Variants in PGM1 observed in about 807,000 individuals in gnomAD.
PGM1 encodes phosphoglucomutase-1.
In PGM1, 52 loss-of-function variants were observed where a neutral mutation model predicts 55.6. The ratio of observed to expected loss-of-function variants is 0.94; its 90% CI spans 0.75 to 1.18. PGM1 has a LOEUF of 1.18. Ranked by LOEUF, PGM1 falls within the 50% of genes most tolerant of loss-of-function variation. The pLI is 0.00. For missense variants in PGM1, 724 were observed against 729.3 expected (o/e 0.99, Z 0.08); for synonymous variants, 287 against 271.7 (o/e 1.06, Z -0.55).
In PGM1 at chr1:63,638,779, G is replaced by T. The variant is rs1479530334; in HGVS notation, c.1123G>T (p.Gly375Trp). The T allele has an allele frequency of 6.2e-7, 1 of 1,613,604 alleles. No individual in the cohort carries two copies. The highest frequency in any genetic ancestry group is 8.5e-7 in the Non-Finnish European group (1 of 1,179,546). Reference sequence around the variant, plus strand: ...GGACGCGAGCAAACTGTCCCTTTGTGGGGAGGAGAGCTTCGGGACCGGTAA... The same window carrying T: ...GGACGCGAGCAAACTGTCCCTTTGTTGGGAGGAGAGCTTCGGGACCGGTAA... ...LMDASKLSLC[G>W]EESFGTGSDH... is the part of the protein sequence containing the mutation. The change falls in exon 7 of 11, where the codon GGG becomes TGG. Residue 375 changes from glycine (G) to tryptophan (W), a missense_variant. Physicochemically the swap from Gly to Trp is radical, Grantham distance 184 (BLOSUM62 -2). This residue lies in a region of PGM1 where 316 missense variants were observed against 313.1 expected (regional missense o/e 1.01). Transcript: ENST00000371084.
chr1:63,593,462 T>C lies in PGM1; in HGVS notation c.-27T>C, dbSNP rs374891070. On this transcript the variant is annotated 5_prime_UTR_variant, in exon 1 of 11. Transcript: ENST00000371084. The stretch of plus-strand genomic sequence containing the variant: ...CCCCTCCGCCAGCCAAGTCCGCCGC[T>C]CTGACCCCCGGCAGCAAGTCGCCAC... 1.2e-5 allele frequency: 19 copies of C among 1,612,908 alleles called. No homozygotes were observed. The highest frequency in any genetic ancestry group is 8.8e-5 in the South Asian group (8 of 91,032).
chr1:63,599,419 C>G (rs1481027140), intron 1 of PGM1, among the ~76,000 whole-genome samples: 1 of 152,058 alleles, frequency 6.6e-6, no homozygotes. Context: ...CCGCCTCGGC[C>G]TCACAAAGTG....
intron 1 of PGM1, among the ~76,000 whole-genome samples, chr1:63,615,550 CTTTTTTT>C (rs1161161385): frequency 1.3e-3 from 79 of 62,976 alleles, no homozygotes; most frequent in African/African-American, 4.3e-3. Context: ...TCTTCTTCTT[CTTTTTTT>C]TTTTTTTTTT....
intron 10 of PGM1, among the ~76,000 whole-genome samples, chr1:63,656,571 G>GGTGTGTGTGTGTGTGTGTGTGT (rs10629750): frequency 2.8e-5 from 4 of 144,240 alleles, no homozygotes; most frequent in African/African-American, 1.1e-4. Flanking sequence ...AAGACATTGT[G>GGTGTGTGTGTGTGTGTGTGTGT]GTGTGTGTGT....
chr1:63,657,465 ACT>A (rs1649997352), intron 10 of PGM1, among the ~76,000 whole-genome samples: 1 of 152,086 alleles, frequency 6.6e-6, no homozygotes, highest in African/African-American at 2.4e-5. Context: ...AATAAGCAGC[ACT>A]CTTAGTTTTT....
At chr1:63,622,585 T>C (rs1226522858) in intron 1 of PGM1, among the ~76,000 whole-genome samples, 1 of 152,180 alleles carries the variant, frequency 6.6e-6, no homozygotes, top group Non-Finnish European at 1.5e-5. Context: ...CAGAAAAACA[T>C]ATGTATATTT....
intron 10 of PGM1, among the ~76,000 whole-genome samples, chr1:63,654,827 G>T (rs1364142527): frequency 6.6e-6 from 1 of 152,120 alleles, no homozygotes; most frequent in Non-Finnish European, 1.5e-5. Context: ...TGTGTTGTAA[G>T]CCCATTATGA....
chr1:63,627,222 C>T (rs1649049613), intron 1 of PGM1, among the ~76,000 whole-genome samples: 1 of 152,080 alleles, frequency 6.6e-6, no homozygotes, highest in Admixed American at 6.6e-5. Context: ...AAGTGTCTGT[C>T]TGCGTCCTGC....
intron 7 of PGM1, among the ~76,000 whole-genome samples, chr1:63,641,257 A>G (rs1344852259): frequency 2.0e-5 from 3 of 152,238 alleles, no homozygotes; most frequent in Admixed American, 6.5e-5. Flanking sequence ...GCTCTTCATT[A>G]TCATGAGGAT....
At chr1:63,658,713 T>C (rs1165699729) in intron 10 of PGM1, among the ~76,000 whole-genome samples, 1 of 150,458 alleles carries the variant, frequency 6.6e-6, no homozygotes, top group Non-Finnish European at 1.5e-5. Flanking sequence ...GATCGCAGCA[T>C]TGCACTCCAG....
At chr1:63,597,436 C>T (rs115666228) in intron 1 of PGM1, among the ~76,000 whole-genome samples, 2,183 of 152,210 alleles carry the variant, frequency 0.014, 49 homozygotes, top group African/African-American at 0.05. Context: ...GGAAACTGTT[C>T]GAATGATAGG....
intron 1 of PGM1, among the ~76,000 whole-genome samples, chr1:63,611,961 G>A (rs985450009): frequency 6.6e-6 from 1 of 151,982 alleles, no homozygotes; most frequent in African/African-American, 2.4e-5. Context: ...ACATATTAAG[G>A]CTATCAGGAG....
intron 1 of PGM1, among the ~76,000 whole-genome samples, chr1:63,594,297 C>T (rs1467025825): frequency 6.6e-6 from 1 of 152,100 alleles, no homozygotes; most frequent in East Asian, 1.9e-4. Flanking sequence ...GTCAGGTTGG[C>T]AGATCTCAGC....
At chr1:63,615,550 C>CTT (rs1161161385) in intron 1 of PGM1, among the ~76,000 whole-genome samples, 3,108 of 62,864 alleles carry the variant, frequency 0.049, 545 homozygotes, top group South Asian at 0.07. Context: ...TCTTCTTCTT[C>CTT]TTTTTTTTTT....
chr1:63,600,744 G>T (rs1160397376), intron 1 of PGM1, among the ~76,000 whole-genome samples: 1 of 152,178 alleles, frequency 6.6e-6, no homozygotes, highest in African/African-American at 2.4e-5. Context: ...GGAAGAGTTA[G>T]ATGGAAAGGA....
chr1:63,648,008 A>G (rs1460023038), intron 7 of PGM1, among the ~76,000 whole-genome samples: 5 of 152,196 alleles, frequency 3.3e-5, no homozygotes, highest in African/African-American at 4.8e-5. Flanking sequence ...CCTACTTAAT[A>G]TGTGATTCCT....
intron 7 of PGM1, among the ~76,000 whole-genome samples, chr1:63,642,302 C>T (rs1649539081): frequency 6.6e-6 from 1 of 152,172 alleles, no homozygotes; most frequent in South Asian, 2.1e-4. Flanking sequence ...TCTGTTTGTG[C>T]TGGAGGAGCA....
At chr1:63,654,579 TGTGCTTACTTTCTTCCA>T in intron 10 of PGM1, 113 bp downstream of exon 10, 1 of 979,454 alleles carries the variant, frequency 1.0e-6, no homozygotes, top group South Asian at 1.3e-5. Flanking sequence ...AGGTACCAGC[TGTGCTTACTTTCTTCCA>T]TGTTTCTTTC....
At position 63,629,505 on chromosome 1, in the gene PGM1, T is replaced by C. The variant is rs770271653; in HGVS notation, c.327T>C (p.Ile109=). 1.4e-5 allele frequency: 23 copies of C among 1,613,590 alleles called. No homozygotes were observed. The East Asian group carries it at 4.9e-4, about 34-fold the overall frequency. Residue 109 remains isoleucine, a synonymous_variant, in exon 2 of 11, where the codon ATT becomes ATC. Transcript: ENST00000371084. ...VSCIIRKIKA[I]GGIILTASHN... ...GCATCATTAGAAAAATCAAAGCCATTGGTGGGATCATTCTGACAGCCAGTC... is the reference window on the plus strand; with the variant it reads ...GCATCATTAGAAAAATCAAAGCCATCGGTGGGATCATTCTGACAGCCAGTC...
Sources: allele counts gnomAD v4.1 joint callset (sites outside exome capture counted in the v4.1 genomes callset), GRCh38; gene constraint gnomAD v4.1.1; regional missense constraint gnomAD v4.1.1; transcripts MANE v1.5; gene names NCBI Gene and HGNC (gene_info 2026-07-23, HGNC 2026-07-21).